NARS1: variants seen among roughly 807,000 people sequenced by gnomAD.
The protein encoded by NARS1 is asparaginyl-tRNA synthetase 1.
In NARS1, 65 loss-of-function variants were observed where a neutral mutation model predicts 79.2. That is an observed-to-expected ratio of 0.82 (90% CI 0.67 to 1.01). The LOEUF (loss-of-function observed/expected upper bound fraction) is 1.01, where lower values mean the gene tolerates loss of function less well. NARS1 is among the 50% of genes least tolerant of loss of function. NARS1 has a pLI of 0.00. For synonymous variants in NARS1, 229 were observed against 238.8 expected (o/e 0.96, Z 0.38); for missense variants, 649 against 673.8 (o/e 0.96, Z 0.41).
chr18:57,618,904 A>G (rs1337153271), intron 2 of NARS1, among the ~76,000 whole-genome samples: 1 of 152,152 alleles, frequency 6.6e-6, no homozygotes, highest in African/African-American at 2.4e-5. Flanking sequence ...CCTGTCTCAG[A>G]AAAATAAATA....
At position 57,615,985 on chromosome 18, in the gene NARS1, G is replaced by C. The variant is rs750230220; in HGVS notation, c.94-10C>G. 48 of 1,585,396 alleles carry C rather than the reference G, an allele frequency of 3.0e-5. No homozygotes were observed. Among genetic ancestry groups the C allele is most frequent in the Non-Finnish European group, 3.8e-5 (45 of 1,169,918 alleles). ...CTACTGTCATCAAAGCCTTGGGTAG[G>C]GAGGAGAGAAAAGACAGTTCTTGAA... On this transcript the variant is annotated splice_polypyrimidine_tract_variant and intron_variant, in intron 2 of 13. Transcript: ENST00000256854.
rs748814352 is a variant in NARS1, at chr18:57,601,423, C to T, written c.*229G>A. The T allele has an allele frequency of 1.6e-5, 6 of 374,810 alleles. No individual in the cohort carries two copies. The highest frequency in any genetic ancestry group is 5.0e-5 in the South Asian group (1 of 19,816). 23.2% of individuals were successfully genotyped at this position (374,810 alleles called of 1,614,324 possible). A position where few individuals can be genotyped will look rare whatever the true frequency, so the allele number is the denominator to read the frequency against. On this transcript the variant is annotated 3_prime_UTR_variant, in exon 14 of 14. Coordinates refer to ENST00000256854, the MANE Select transcript of NARS1 (RefSeq NM_004539.4). ...ACAGTTTCATGCCAGGTATTTTCCC[C>T]GAACTTTGTTTCCCGAACTTAAGAA... is the stretch of plus-strand genomic sequence containing the variant.
chr18:57,615,906 A>C lies in NARS1; in HGVS notation c.163T>G (p.Trp55Gly), dbSNP rs1284547686. Residue 55 changes from tryptophan to glycine, a missense_variant, in exon 3 of 14, where the codon TGG becomes GGG. Transcript: ENST00000256854. The part of the protein sequence containing the change: ...YVDSQKENER[W>G]NVISKSQLKN... ...AACTGTGATTTAGAAATAACATTCC[A>C]CCTCTCATTTTCTTTTTGTGAATCT... The C allele has an allele frequency of 6.2e-7, 1 of 1,613,044 alleles. No homozygotes were observed. Among genetic ancestry groups the C allele is most frequent in the Non-Finnish European group, 8.5e-7 (1 of 1,179,618 alleles).
intron 2 of NARS1, among the ~76,000 whole-genome samples, chr18:57,619,649 C>T (rs953070964): frequency 1.3e-5 from 2 of 152,140 alleles, no homozygotes; most frequent in African/African-American, 4.8e-5. Context: ...TTAGGCCACA[C>T]TTTACTCTGA....
chr18:57,609,479 C>T, intron 6 of NARS1, 36 bp from the exon 7 acceptor site: 1 of 1,553,684 alleles, frequency 6.4e-7, no homozygotes, highest in Non-Finnish European at 8.9e-7. Flanking sequence ...TAGTTATTCA[C>T]ATTGATTTAA....
At chr18:57,606,579 G>T in intron 10 of NARS1, 37 bp downstream of exon 10, 3 of 1,580,404 alleles carry the variant, frequency 1.9e-6, no homozygotes, top group South Asian at 1.1e-5. Context: ...TCCAAAAAAG[G>T]ACTGTGACTT....
chr18:57,609,684 A>G (rs560795865), intron 6 of NARS1, among the ~76,000 whole-genome samples: 1 of 152,342 alleles, frequency 6.6e-6, no homozygotes, highest in Admixed American at 6.5e-5. Flanking sequence ...CATTTTACAT[A>G]CATGGATAAA....
rs2051571521 is a variant in NARS1 at position 57,607,764 on chromosome 18, G to A, written c.580-99C>T. On this transcript the variant is annotated intron_variant, in intron 7 of 13. Coordinates refer to ENST00000256854, the MANE Select transcript of NARS1 (RefSeq NM_004539.4). ...ATTTATGTCAAAGTTTTGGTAAGCT[G>A]AGATTTTTAAGAACCTCCTAATTCT... 6 of 1,022,184 alleles carry A rather than the reference G, an allele frequency of 5.9e-6. No individual in the cohort carries two copies. In the East Asian group the frequency reaches 1.0e-4, roughly 18 times the overall value. The allele number at this position is 1,022,184 out of a possible 1,614,324, so 63.3% of individuals were successfully genotyped here.
intron 6 of NARS1, among the ~76,000 whole-genome samples, chr18:57,610,467 G>A (rs2051595890): frequency 6.6e-6 from 1 of 152,108 alleles, no homozygotes; most frequent in South Asian, 2.1e-4. Context: ...GCGAGACTCT[G>A]TCTCAAATAA....
chr18:57,620,704 C>T, intron 1 of NARS1, 53 bp from the exon 2 acceptor site: 1 of 1,057,584 alleles, frequency 9.5e-7, no homozygotes, highest in Non-Finnish European at 1.4e-6. Context: ...TATTAGTCAC[C>T]TTACTACTTT....
intron 12 of NARS1, 76 bp downstream of exon 12, chr18:57,602,736 T>C: frequency 6.6e-7 from 1 of 1,508,286 alleles, no homozygotes; most frequent in African/African-American, 1.4e-5. Context: ...TGGCATGAGC[T>C]GTACCTGATT....
chr18:57,609,296 C>G (rs965520729), intron 7 of NARS1, 61 bp downstream of exon 7: 3 of 1,369,476 alleles, frequency 2.2e-6, no homozygotes, highest in Non-Finnish European at 3.1e-6. Flanking sequence ...AACAAAGACA[C>G]TGGAAAACAA....
intron 11 of NARS1, among the ~76,000 whole-genome samples, chr18:57,605,229 G>A (rs1215094473): frequency 6.6e-6 from 1 of 151,518 alleles, no homozygotes; most frequent in African/African-American, 2.4e-5. Context: ...CCTAGAGAAT[G>A]ATAAAGAGAG....
intron 2 of NARS1, among the ~76,000 whole-genome samples, chr18:57,618,597 A>G (rs1208922496): frequency 3.3e-5 from 5 of 152,144 alleles, no homozygotes; most frequent in Non-Finnish European, 7.4e-5. Context: ...TTTCCCCTTA[A>G]GAGTGGTTAA....
In NARS1 at chr18:57,613,785, G is replaced by A. The variant is rs182262838; in HGVS notation, c.343-105C>T. The A allele has an allele frequency of 5.6e-6, 5 of 894,134 alleles. No individual in the cohort carries two copies. In the East Asian group the frequency reaches 7.6e-5, roughly 14 times the overall value. 55.4% of individuals were successfully genotyped at this position (894,134 alleles called of 1,614,324 possible). On this transcript the variant is annotated intron_variant, in intron 4 of 13. Coordinates refer to ENST00000256854, the MANE Select transcript of NARS1 (RefSeq NM_004539.4). ...GTAGTAAGTGTTAAAAATCACAAATGGTGCAAAACTGGAGACAGCCCCTCT... is the reference window on the plus strand; with the variant it reads ...GTAGTAAGTGTTAAAAATCACAAATAGTGCAAAACTGGAGACAGCCCCTCT...
intron 2 of NARS1, among the ~76,000 whole-genome samples, chr18:57,618,839 C>A (rs1409303198): frequency 6.6e-6 from 1 of 151,858 alleles, no homozygotes; most frequent in African/African-American, 2.4e-5. Context: ...GAGGTTGAAG[C>A]TGCAGTGAGC....
chr18:57,602,875 A>C lies in NARS1; in HGVS notation c.1320T>G (p.Phe440Leu), dbSNP rs1196823291. The stretch of plus-strand genomic sequence containing the variant: ...TGTAGAAGGACTTGATCTCCACAGG[A>C]AATCGACACAGCAAGATTGGTTCAT... Reference protein sequence around the residue: ...TINEPILLCRFPVEIKSFYMQ... With the variant: ...TINEPILLCRLPVEIKSFYMQ... Residue 440 changes from phenylalanine (F) to leucine (L), a missense_variant, in exon 12 of 14, where the codon TTT becomes TTG. Physicochemically the swap from Phe to Leu is conservative, Grantham distance 22. Coordinates refer to ENST00000256854, the MANE Select transcript of NARS1 (RefSeq NM_004539.4). The C allele has an allele frequency of 6.2e-7, 1 of 1,614,142 alleles. No individual in the cohort carries two copies. Among genetic ancestry groups the C allele is most frequent in the East Asian group, 2.2e-5 (1 of 44,878 alleles).
chr18:57,620,678 TG>T, intron 1 of NARS1, 27 bp from the exon 2 acceptor site: 1 of 1,467,024 alleles, frequency 6.8e-7, no homozygotes, highest in Non-Finnish European at 9.5e-7. Context: ...GGGTAAGTTA[TG>T]GTCTGGCCAT....
intron 4 of NARS1, 31 bp downstream of exon 4, chr18:57,615,610 C>A: frequency 1.4e-6 from 2 of 1,478,688 alleles, no homozygotes; most frequent in South Asian, 2.3e-5. Flanking sequence ...GTAGCCAAGT[C>A]CACGGTATTT....
Sources: gnomAD v4.1 joint callset for allele counts (sites outside exome capture counted in the v4.1 genomes callset) on GRCh38, gnomAD v4.1.1 for gene constraint, MANE v1.5 for transcripts, NCBI Gene and HGNC (gene_info 2026-07-23, HGNC 2026-07-21) for gene names.